DNAH8: variants seen among roughly 807,000 people sequenced by gnomAD.
The protein encoded by DNAH8 is axonemal beta dynein heavy chain 8.
A neutral mutation model predicts 562.1 loss-of-function variants in DNAH8; 382 were observed. The ratio of observed to expected loss-of-function variants is 0.68; its 90% CI spans 0.63 to 0.74. The LOEUF is 0.74. DNAH8 is among the 30% of genes least tolerant of loss of function. DNAH8 has a pLI of 0.00. For missense variants in DNAH8, 5,203 were observed against 5,620.4 expected (o/e 0.93, Z 2.37); for synonymous variants, 1,881 against 1,919.4 (o/e 0.98, Z 0.52).
intron 58 of DNAH8, 48 bp downstream of exon 58, chr6:38,890,809 G>T: frequency 1.5e-6 from 2 of 1,301,294 alleles, no homozygotes; most frequent in Non-Finnish European, 2.2e-6. Context: ...CTATTATTCA[G>T]CCCTAGATCA....
At chr6:38,850,522 G>A in intron 38 of DNAH8, 108 bp downstream of exon 38, 1 of 1,001,070 alleles carries the variant, frequency 1.0e-6, no homozygotes, top group Non-Finnish European at 1.4e-6. Flanking sequence ...GGTTAAAGTG[G>A]GGCTAGGAAC....
chr6:38,938,760 T>C (rs1325228669), intron 78 of DNAH8, 38 bp from the exon 79 acceptor site: 3 of 1,471,340 alleles, frequency 2.0e-6, no homozygotes, highest in African/African-American at 2.8e-5. Context: ...AAAAAAGAAA[T>C]TGCCCTTTGC....
At chr6:38,833,380 T>A (rs565274714) in intron 31 of DNAH8, among the ~76,000 whole-genome samples, 2 of 152,200 alleles carry the variant, frequency 1.3e-5, no homozygotes, top group South Asian at 4.2e-4. Context: ...GTTTTTTTTT[T>A]AACATGTACT....
rs1277551586 is a variant in DNAH8, at chr6:38,896,069, A to G, written c.8784A>G (p.Ala2928=). 2.5e-6 allele frequency: 4 copies of G among 1,613,792 alleles called. No homozygotes were observed. Among genetic ancestry groups the G allele is most frequent in the East Asian group, 4.5e-5 (2 of 44,882 alleles). ...CTGAAGATGAGCAGTGGTTTAATGC[A>G]CATCTTACTCGTGCAGTTGAAGAAA... is the stretch of plus-strand genomic sequence containing the variant. ...ITPEDEQWFN[A]HLTRAVEENI... is the part of the protein sequence containing the mutation. Residue 2928 remains alanine, a synonymous_variant, in exon 60 of 93, where the codon GCA becomes GCG. Coordinates refer to ENST00000327475, the MANE Select transcript of DNAH8 (RefSeq NM_001206927.2).
intron 70 of DNAH8, among the ~76,000 whole-genome samples, chr6:38,918,973 T>G (rs1429214280): frequency 2.0e-5 from 3 of 151,286 alleles, no homozygotes; most frequent in African/African-American, 7.3e-5. Context: ...TTGAGAAAAA[T>G]AGAAAGTCAA....
intron 1 of DNAH8, among the ~76,000 whole-genome samples, chr6:38,717,994 C>G (rs1158653826): frequency 6.6e-6 from 1 of 152,118 alleles, no homozygotes; most frequent in Non-Finnish European, 1.5e-5. Context: ...TGTTATTATG[C>G]AATGTGTCTT....
At chr6:38,820,095 A>G (rs1678709) in intron 26 of DNAH8, among the ~76,000 whole-genome samples, 75,111 of 151,984 alleles carry the variant, frequency 0.49, 19,545 homozygotes, top group East Asian at 0.7. Flanking sequence ...AAAATTATAT[A>G]GAAGTGAAAA....
Position 38,883,390 on chromosome 6 carries a change from T to C in DNAH8, c.8070T>C (p.Tyr2690=). 1 of 1,613,420 alleles carries C rather than the reference T, an allele frequency of 6.2e-7. No homozygotes were observed. Among genetic ancestry groups the C allele is most frequent in the African/African-American group, 1.3e-5 (1 of 75,036 alleles). The part of the protein sequence containing the change: ...TVMVKAYLKK[Y]DPEVQLSKSL... ...TGGTTAAGGCCTATTTGAAAAAATATGATCCTGAAGTACAGCTATCCAAAA... is the reference window on the plus strand; with the variant it reads ...TGGTTAAGGCCTATTTGAAAAAATACGATCCTGAAGTACAGCTATCCAAAA... The change falls in exon 55 of 93, where the codon TAT becomes TAC. Residue 2690 remains tyrosine, a synonymous_variant. Transcript: ENST00000327475.
At chr6:38,981,153 A>T (rs1233802886) in intron 85 of DNAH8, among the ~76,000 whole-genome samples, 2 of 152,008 alleles carry the variant, frequency 1.3e-5, no homozygotes, top group African/African-American at 2.4e-5. Context: ...ATGTATAGGG[A>T]TTCTACTCTC....
Position 38,828,053 on chromosome 6 carries a change from A to G in DNAH8, c.4084-131A>G, listed in dbSNP as rs1773515940. The G allele has an allele frequency of 1.6e-5, 10 of 644,876 alleles. 1 individual carries two copies. In the Middle Eastern group the frequency reaches 7.5e-4, roughly 49 times the overall value. The allele number at this position is 644,876 out of a possible 1,614,324, so 39.9% of individuals were successfully genotyped here. On this transcript the variant is annotated intron_variant, in intron 29 of 92. Coordinates refer to ENST00000327475, the MANE Select transcript of DNAH8 (RefSeq NM_001206927.2). Reference sequence around the variant, plus strand: ...TAAAGGTGCTTTTCATACACTTTTAATTTTGGAAACCACTTTTCTAGAACA... The same window carrying G: ...TAAAGGTGCTTTTCATACACTTTTAGTTTTGGAAACCACTTTTCTAGAACA...
chr6:39,007,800 C>A (rs1429571884), intron 88 of DNAH8, among the ~76,000 whole-genome samples: 2 of 152,106 alleles, frequency 1.3e-5, no homozygotes, highest in African/African-American at 2.4e-5. Context: ...CACCACCCCA[C>A]CCCACTGCGT....
rs768680384 is a variant in DNAH8 at position 38,822,839 on chromosome 6, A to G, written c.3525A>G (p.Arg1175=). 10 of 1,571,370 alleles carry G rather than the reference A, an allele frequency of 6.4e-6. No individual in the cohort carries two copies. In the South Asian group the frequency reaches 9.7e-5, roughly 15 times the overall value. The part of the protein sequence containing the change: ...NTGKLLKKEE[R]SFEEAIPARK... ...TAGTGTAAAAACATCTGTTTTCAGG[A>G]TCTTTTGAAGAAGCTATTCCTGCGA... The change falls in exon 27 of 93, where the codon AGA becomes AGG. Residue 1175 remains arginine, a splice_region_variant and synonymous_variant. Transcript: ENST00000327475.
At chr6:38,816,658 C>T (rs1369197874) in intron 26 of DNAH8, among the ~76,000 whole-genome samples, 1 of 152,150 alleles carries the variant, frequency 6.6e-6, no homozygotes, top group Non-Finnish European at 1.5e-5. Context: ...GAGGAATTGC[C>T]ACACTGTCTT....
intron 30 of DNAH8, 51 bp downstream of exon 30, chr6:38,828,339 A>G (rs2150347663): frequency 1.7e-6 from 2 of 1,153,762 alleles, no homozygotes; most frequent in East Asian, 4.9e-5. Context: ...TATCTCCAGA[A>G]AAAAAAGGTA....
chr6:38,844,593 C>G (rs563304415), intron 35 of DNAH8, among the ~76,000 whole-genome samples: 1 of 152,132 alleles, frequency 6.6e-6, no homozygotes, highest in Non-Finnish European at 1.5e-5. Flanking sequence ...TATAGCCATT[C>G]GTAGGCTGTG....
At chr6:38,788,593 G>A (rs974372932) in intron 18 of DNAH8, among the ~76,000 whole-genome samples, 1 of 152,106 alleles carries the variant, frequency 6.6e-6, no homozygotes, top group Non-Finnish European at 1.5e-5. Flanking sequence ...TCGTTCAGCA[G>A]CATCTATTCA....
At chr6:38,797,638 G>A (rs543725376) in intron 21 of DNAH8, among the ~76,000 whole-genome samples, 8 of 151,948 alleles carry the variant, frequency 5.3e-5, no homozygotes, top group Non-Finnish European at 7.4e-5. Flanking sequence ...CCTTTACTAC[G>A]CCGCTGCAAA....
rs192654750 is a variant in DNAH8 at position 38,795,954 on chromosome 6, A to G, written c.2901+4280A>G. Among the ~76,000 whole-genome samples, 8 of 152,300 alleles carry G rather than the reference A, an allele frequency of 5.3e-5. No homozygotes were observed. In the East Asian group the frequency reaches 1.5e-3, roughly 29 times the overall value. ...ATCCAAGGGTGGTTTAGGACAGATT[A>G]TGCGAATTATTAAAAAGCTTTCTTC... On this transcript the variant is annotated intron_variant, in intron 21 of 92. Coordinates refer to ENST00000327475, the MANE Select transcript of DNAH8 (RefSeq NM_001206927.2).
chr6:38,897,859 G>C lies in DNAH8; in HGVS notation c.8941-399G>C, dbSNP rs149713537. Among the ~76,000 whole-genome samples, 485 of 152,298 alleles carry C rather than the reference G, an allele frequency of 3.2e-3. 5 individuals are homozygous for C. Among genetic ancestry groups the C allele is most frequent in the African/African-American group, 0.011 (451 of 41,566 alleles). ...ACAATTTGCAAAACAAAGAAAGTGG[G>C]TGTGGATTTATTTCAGAACAACAAA... On this transcript the variant is annotated intron_variant, in intron 60 of 92. Coordinates refer to ENST00000327475, the MANE Select transcript of DNAH8 (RefSeq NM_001206927.2).
Sources: allele counts gnomAD v4.1 joint callset (sites outside exome capture counted in the v4.1 genomes callset), GRCh38; gene constraint gnomAD v4.1.1; transcripts MANE v1.5; gene names NCBI Gene and HGNC (gene_info 2026-07-23, HGNC 2026-07-21).